The following EPHA6 variants were observed in gnomAD, a reference collection of about 807,000 sequenced individuals.
EPHA6 encodes the protein EPH receptor A6, also known as ephrin type-A receptor 6.
Under a neutral mutation model 112.0 loss-of-function variants are expected in EPHA6, and 50 were observed. The observed-to-expected ratio is 0.45, with a 90% CI of 0.36 to 0.56. The LOEUF is 0.56. Among genes scored for constraint, EPHA6 ranks in the 20% least tolerant of loss-of-function variants. The pLI is 0.00. For synonymous variants in EPHA6, 529 were observed against 490.7 expected, an observed-to-expected ratio of 1.08 and a Z score of -1.03; for missense variants, 1,280 against 1,417.4, an observed-to-expected ratio of 0.90 and a Z score of 1.56.
At chr3:97,458,753 C>T (rs1176040614) in intron 7 of EPHA6, among the ~76,000 whole-genome samples, 9 of 152,112 alleles carry the variant, frequency 5.9e-5, no homozygotes, top group African/African-American at 9.6e-5. Context: ...AAGAGAAGGG[C>T]GCTTGAGAGG....
intron 2 of EPHA6, among the ~76,000 whole-genome samples, chr3:96,871,614 T>C (rs538836612): frequency 2.6e-5 from 4 of 152,066 alleles, no homozygotes; most frequent in Non-Finnish European, 4.4e-5. Flanking sequence ...AAATAAAATA[T>C]ACATGTACAC....
At chr3:97,065,328 G>T (rs771097616) in intron 3 of EPHA6, among the ~76,000 whole-genome samples, 3 of 152,118 alleles carry the variant, frequency 2.0e-5, no homozygotes, top group Non-Finnish European at 1.5e-5. Flanking sequence ...AATGTTCAAA[G>T]TAGAGTCCAT....
intron 14 of EPHA6, among the ~76,000 whole-genome samples, chr3:97,717,437 A>G (rs901658303): frequency 6.6e-6 from 1 of 152,176 alleles, no homozygotes; most frequent in Non-Finnish European, 1.5e-5. Flanking sequence ...ACAGTTCTAG[A>G]GGCTGGAAGT....
chr3:96,978,197 A>T (rs925748003), intron 2 of EPHA6, among the ~76,000 whole-genome samples: 10 of 152,082 alleles, frequency 6.6e-5, no homozygotes, highest in Non-Finnish European at 4.4e-5. Flanking sequence ...GAGAAAATAT[A>T]TTGACTATTC....
At chr3:97,091,381 C>T (rs1162820815) in intron 3 of EPHA6, among the ~76,000 whole-genome samples, 8 of 152,110 alleles carry the variant, frequency 5.3e-5, no homozygotes, top group Admixed American at 5.3e-4. Flanking sequence ...TCAATGTACA[C>T]TGGATCGGTG....
intron 2 of EPHA6, among the ~76,000 whole-genome samples, chr3:96,879,360 C>A (rs1262325806): frequency 6.6e-6 from 1 of 151,912 alleles, no homozygotes; most frequent in Non-Finnish European, 1.5e-5. Flanking sequence ...ACATCAAAAA[C>A]ACACACTTTT....
rs114735718 is a variant in EPHA6 at position 97,412,426 on chromosome 3, C to T, written c.1731+7152C>T. ...TAGTCATACATTTCTGAATTTGCTT[C>T]CTCACCACTTTTCCTGAATTCCATG... On this transcript the variant is annotated intron_variant, in intron 6 of 17. Coordinates refer to ENST00000389672, the MANE Select transcript of EPHA6 (RefSeq NM_001080448.3). 8.3e-3 allele frequency among the ~76,000 whole-genome samples: 1,266 copies of T among 152,140 alleles called. 14 individuals are homozygous for T. The highest frequency in any genetic ancestry group is 0.027 in the African/African-American group (1,126 of 41,534).
intron 16 of EPHA6, among the ~76,000 whole-genome samples, chr3:97,739,442 A>G (rs1276671240): frequency 6.6e-6 from 1 of 151,978 alleles, no homozygotes; most frequent in Non-Finnish European, 1.5e-5. Flanking sequence ...AGGGGAAGAA[A>G]TTAAAGTGAC....
intron 3 of EPHA6, among the ~76,000 whole-genome samples, chr3:97,074,154 T>C (rs929128568): frequency 6.6e-6 from 1 of 151,954 alleles, no homozygotes; most frequent in African/African-American, 2.4e-5. Context: ...TGCCATTCCC[T>C]GTCTTGGTGT....
At chr3:97,746,070 C>T (rs900091501) in intron 16 of EPHA6, among the ~76,000 whole-genome samples, 5 of 151,752 alleles carry the variant, frequency 3.3e-5, no homozygotes, top group Non-Finnish European at 7.4e-5. Context: ...ATAAAACAGT[C>T]GAAATATGAA....
At chr3:97,117,577 T>C (rs2047925859) in intron 3 of EPHA6, among the ~76,000 whole-genome samples, 1 of 151,780 alleles carries the variant, frequency 6.6e-6, no homozygotes, top group African/African-American at 2.4e-5. Context: ...AGAGATTGTC[T>C]TTTCCTCATT....
At chr3:96,939,406 A>AC (rs2040803561) in intron 2 of EPHA6, among the ~76,000 whole-genome samples, 1 of 152,208 alleles carries the variant, frequency 6.6e-6, no homozygotes. Context: ...AGATGTTTGT[A>AC]GTATTCTCTG....
At chr3:97,557,247 A>AT (rs1161595214) in intron 11 of EPHA6, among the ~76,000 whole-genome samples, 1 of 151,992 alleles carries the variant, frequency 6.6e-6, no homozygotes, top group African/African-American at 2.4e-5. Context: ...GTGCCCATTG[A>AT]TTTTACTTAG....
intron 3 of EPHA6, among the ~76,000 whole-genome samples, chr3:97,193,200 A>C (rs1576656935): frequency 6.6e-6 from 1 of 152,194 alleles, no homozygotes; most frequent in African/African-American, 2.4e-5. Flanking sequence ...TTTGATAGGG[A>C]TTGCATTAAA....
rs150915405 is a variant in EPHA6 at position 97,603,160 on chromosome 3, G to A, written c.2513-7633G>A. ...TATAGTAAAAACAATCCAACATGAG[G>A]CAAATTTGTCAGTAACTTTCATTGT... On this transcript the variant is annotated intron_variant, in intron 12 of 17. Coordinates refer to ENST00000389672, the MANE Select transcript of EPHA6 (RefSeq NM_001080448.3). 2.0e-3 allele frequency among the ~76,000 whole-genome samples: 301 copies of A among 151,978 alleles called. 1 individual carries two copies. The highest frequency in any genetic ancestry group is 6.8e-3 in the African/African-American group (281 of 41,494).
At chr3:97,275,871 T>A (rs968031412) in intron 5 of EPHA6, among the ~76,000 whole-genome samples, 1 of 151,544 alleles carries the variant, frequency 6.6e-6, no homozygotes, top group Non-Finnish European at 1.5e-5. Flanking sequence ...GGCTTTGAAC[T>A]GGGGGGAAAG....
intron 3 of EPHA6, among the ~76,000 whole-genome samples, chr3:97,015,771 C>G (rs1482820437): frequency 6.6e-6 from 1 of 152,118 alleles, no homozygotes; most frequent in Non-Finnish European, 1.5e-5. Context: ...ACATATTTGA[C>G]AAGGCTCCCA....
At chr3:97,624,413 A>G (rs984623) in intron 13 of EPHA6, among the ~76,000 whole-genome samples, 48,042 of 151,372 alleles carry the variant, frequency 0.32, 11,062 homozygotes, top group African/African-American at 0.61. Flanking sequence ...TTTGGCCATG[A>G]TGTATAATAC....
chr3:96,940,850 A>G (rs778482341), intron 2 of EPHA6, among the ~76,000 whole-genome samples: 12 of 152,096 alleles, frequency 7.9e-5, no homozygotes, highest in Admixed American at 2.6e-4. Flanking sequence ...TTTCTCCTCC[A>G]CTTATGAAGC....
Sources: allele counts gnomAD v4.1 joint callset (sites outside exome capture counted in the v4.1 genomes callset), GRCh38; gene constraint gnomAD v4.1.1; transcripts MANE v1.5; gene names NCBI Gene and HGNC (gene_info 2026-07-23, HGNC 2026-07-21).